CARF: variants seen among roughly 807,000 people sequenced by gnomAD.
The protein encoded by CARF is calcium-responsive transcription factor.
CARF carries 57 observed loss-of-function variants against 82.0 expected under a neutral mutation model. The observed-to-expected ratio is 0.70, with a 90% CI of 0.56 to 0.87. CARF has a LOEUF of 0.87. Among genes scored for constraint, CARF ranks in the 40% least tolerant of loss-of-function variants. The probability of loss-of-function intolerance (pLI) is 0.00; values close to 1 mark genes in which losing one functional copy is unlikely to be tolerated. For synonymous variants in CARF, 268 were observed against 290.1 expected (o/e 0.92, Z 0.77); for missense variants, 771 against 855.8 (o/e 0.90, Z 1.24).
At chr2:202,958,092 G>A (rs903328250) in intron 8 of CARF, among the ~76,000 whole-genome samples, 108 of 152,102 alleles carry the variant, frequency 7.1e-4, no homozygotes, top group African/African-American at 2.5e-3. Flanking sequence ...ATGCTTCATT[G>A]TTTTAAACAA....
At position 202,912,684 on chromosome 2, in the gene CARF, G is replaced by A. The variant is rs1418157370; in HGVS notation, c.-748G>A. 1 of 151,408 alleles carries A rather than the reference G, an allele frequency of 6.6e-6. No individual in the cohort carries two copies. The highest frequency in any genetic ancestry group is 2.4e-5 in the African/African-American group (1 of 41,308). The allele number at this position is 151,408 out of a possible 1,614,324, so 9.4% of individuals were successfully genotyped here. On this transcript the variant is annotated 5_prime_UTR_variant, in exon 1 of 17. Transcript: ENST00000438828. ...GCCCCAGAGGGGCAGGCTGGAGAAG[G>A]AGGAGGTTAGGTGTCTTCAGGAGGG... is the stretch of plus-strand genomic sequence containing the variant.
At chr2:202,932,786 T>C (rs1408286739) in intron 3 of CARF, among the ~76,000 whole-genome samples, 1 of 152,012 alleles carries the variant, frequency 6.6e-6, no homozygotes, top group Non-Finnish European at 1.5e-5. Flanking sequence ...GCTCAGACTC[T>C]AGGGGGCTAG....
At chr2:202,926,596 C>T (rs76978041) in intron 3 of CARF, among the ~76,000 whole-genome samples, 5,951 of 152,126 alleles carry the variant, frequency 0.039, 376 homozygotes, top group African/African-American at 0.13. Flanking sequence ...TTTGCACTTC[C>T]GTATGAATTT....
chr2:202,974,324 T>C lies in CARF; in HGVS notation c.1332-10T>C, dbSNP rs1246015923. 1.9e-6 allele frequency: 3 copies of C among 1,569,556 alleles called. No homozygotes were observed. The highest frequency in any genetic ancestry group is 2.1e-5 in the Admixed American group (1 of 47,256). ...GTTTATGTCTTTATTCCATTTTGTATTCTTTACAGAAAATTTGTGGAAAGG... is the reference window on the plus strand; with the variant it reads ...GTTTATGTCTTTATTCCATTTTGTACTCTTTACAGAAAATTTGTGGAAAGG... On this transcript the variant is annotated splice_polypyrimidine_tract_variant and intron_variant, in intron 12 of 16. Coordinates refer to ENST00000438828, the MANE Select transcript of CARF (RefSeq NM_024744.17).
chr2:202,918,545 C>CA lies in CARF; in HGVS notation c.-163+510dup, dbSNP rs200259137. Among the ~76,000 whole-genome samples the CA allele has an allele frequency of 5.1e-3, 769 of 150,100 alleles. 6 individuals carry two copies. The highest frequency in any genetic ancestry group is 0.049 in the East Asian group (254 of 5,136). On this transcript the variant is annotated intron_variant, in intron 2 of 16. Coordinates refer to ENST00000438828, the MANE Select transcript of CARF (RefSeq NM_024744.17). ...GACTCCGTCTCAAAACAAAACAAAACAAAAAAAACAAAAAAAAACTTTACT... is the reference window on the plus strand; with the variant it reads ...GACTCCGTCTCAAAACAAAACAAAACAAAAAAAAACAAAAAAAAACTTTACT...
At chr2:202,945,194 C>A (rs2105816320) in intron 5 of CARF, among the ~76,000 whole-genome samples, 1 of 152,236 alleles carries the variant, frequency 6.6e-6, no homozygotes, top group Middle Eastern at 3.4e-3. Context: ...CCAAAGTGAG[C>A]AGAAGGTACA....
chr2:202,962,195 A>ATATT (rs1167766066), intron 9 of CARF: 5 of 152,194 alleles, frequency 3.3e-5, no homozygotes, highest in South Asian at 2.1e-4. Context: ...GGTTATTTAT[A>ATATT]TATTTATTTA....
chr2:202,924,705 C>G (rs1691473258), intron 3 of CARF: 1 of 157,108 alleles, frequency 6.4e-6, no homozygotes, highest in Non-Finnish European at 1.4e-5. Flanking sequence ...CAAGAATGGG[C>G]CAGATGTCTG....
chr2:202,968,141 C>T lies in CARF; in HGVS notation c.953+1043C>T, dbSNP rs914959228. Among the ~76,000 whole-genome samples, 8 of 152,116 alleles carry T rather than the reference C, an allele frequency of 5.3e-5. No homozygotes were observed. The East Asian group carries it at 7.7e-4, about 15-fold the overall frequency. ...ATTCTTGGCCGAGCATGGTGGCTAA[C>T]GCCTGTAATCCCAGCACTTTGGGAG... On this transcript the variant is annotated intron_variant, in intron 10 of 16. Coordinates refer to ENST00000438828, the MANE Select transcript of CARF (RefSeq NM_024744.17).
intron 9 of CARF, chr2:202,962,000 G>T (rs577874610): frequency 5.9e-5 from 9 of 152,692 alleles, no homozygotes; most frequent in African/African-American, 1.7e-4. Flanking sequence ...GAGCCCCAAA[G>T]AATCTAAAAC....
At chr2:202,949,192 G>A (rs2105832255) in intron 5 of CARF, among the ~76,000 whole-genome samples, 1 of 152,088 alleles carries the variant, frequency 6.6e-6, no homozygotes, top group Middle Eastern at 3.4e-3. Context: ...AAATTAGCCA[G>A]GCATGGTGGT....
At chr2:202,976,095 A>T (rs62183746) in intron 13 of CARF, among the ~76,000 whole-genome samples, 3 of 151,646 alleles carry the variant, frequency 2.0e-5, no homozygotes, top group Admixed American at 6.6e-5. Flanking sequence ...ATACATACAT[A>T]CATACATACA....
intron 5 of CARF, 21 bp from the exon 6 acceptor site, chr2:202,952,538 T>TA (rs767270377): frequency 9.3e-6 from 15 of 1,610,788 alleles, no homozygotes; most frequent in Non-Finnish European, 7.6e-6. Flanking sequence ...CATTTGATTT[T>TA]TTTTTTTTAA....
At chr2:202,976,464 A>T (rs1221671412) in intron 13 of CARF, among the ~76,000 whole-genome samples, 1 of 151,848 alleles carries the variant, frequency 6.6e-6, no homozygotes, top group Non-Finnish European at 1.5e-5. Context: ...GTGAGCCACC[A>T]CACCCGACCT....
intron 3 of CARF, among the ~76,000 whole-genome samples, chr2:202,939,679 T>A (rs2058125301): frequency 6.8e-6 from 1 of 146,726 alleles, no homozygotes; most frequent in South Asian, 2.1e-4. Context: ...CCCATTGCCT[T>A]TTTTTCTTTT....
At chr2:202,977,399 A>G (rs976019261) in intron 14 of CARF, 67 bp downstream of exon 14, 1 of 1,203,042 alleles carries the variant, frequency 8.3e-7, no homozygotes, top group Non-Finnish European at 1.2e-6. Flanking sequence ...AACTTAAGAT[A>G]TTATCTCATC....
At chr2:202,946,766 A>C (rs891094784) in intron 5 of CARF, among the ~76,000 whole-genome samples, 2 of 152,224 alleles carry the variant, frequency 1.3e-5, no homozygotes, top group African/African-American at 4.8e-5. Context: ...TAATATCCAG[A>C]ATCTACAAGG....
intron 5 of CARF, among the ~76,000 whole-genome samples, chr2:202,944,074 C>T (rs537514160): frequency 2.6e-5 from 4 of 152,192 alleles, no homozygotes; most frequent in Non-Finnish European, 5.9e-5. Context: ...GGGAATTAGA[C>T]ATATCCTTGC....
intron 1 of CARF, among the ~76,000 whole-genome samples, chr2:202,916,993 G>A (rs1450030289): frequency 1.3e-5 from 2 of 151,912 alleles, no homozygotes; most frequent in Admixed American, 6.5e-5. Context: ...GGCGGATCAC[G>A]AAGTCAGGAG....
Sources: gnomAD v4.1 joint callset for allele counts (sites outside exome capture counted in the v4.1 genomes callset) on GRCh38, gnomAD v4.1.1 for gene constraint, MANE v1.5 for transcripts, NCBI Gene and HGNC (gene_info 2026-07-23, HGNC 2026-07-21) for gene names.